Variants in PLXNA4 observed in about 807,000 individuals in gnomAD.
The protein encoded by PLXNA4 is plexin A4.
Under a neutral mutation model 191.8 loss-of-function variants are expected in PLXNA4, and 44 were observed. The observed-to-expected ratio is 0.23, with a 90% CI of 0.18 to 0.29. PLXNA4 has a LOEUF of 0.29. Ranked by LOEUF, PLXNA4 falls within the 10% of genes least tolerant of loss-of-function variation. The pLI is 1.00. For synonymous variants in PLXNA4, 1,082 were observed against 1,009.5 expected, an observed-to-expected ratio of 1.07 and a Z score of -1.36; for missense variants, 1,800 against 2,488.8, an observed-to-expected ratio of 0.72 and a Z score of 5.89.
At chr7:132,641,829 A>C in intron 2 of PLXNA4, among the ~76,000 whole-genome samples, 1 of 152,180 alleles carries the variant, frequency 6.6e-6, no homozygotes, top group Non-Finnish European at 1.5e-5. Context: ...GGACGACAAC[A>C]TAAGTACCCA....
chr7:132,207,171 A>G lies in PLXNA4; in HGVS notation c.2299-3752T>C, dbSNP rs144327353. 1.4e-3 allele frequency among the ~76,000 whole-genome samples: 218 copies of G among 152,322 alleles called. 8 individuals carry two copies. The East Asian group carries it at 0.034, about 24-fold the overall frequency. On this transcript the variant is annotated intron_variant, in intron 10 of 31. Coordinates refer to ENST00000321063, the MANE Select transcript of PLXNA4 (RefSeq NM_020911.2). ...AGAAGCTGGTATGTACACTGTGTCC[A>G]TCTCTAGTCCAGAGGGCTCTGCTGA...
intron 2 of PLXNA4, among the ~76,000 whole-genome samples, chr7:132,607,917 C>T (rs1331203939): frequency 1.3e-5 from 2 of 150,340 alleles, no homozygotes; most frequent in African/African-American, 2.5e-5. Flanking sequence ...TTATCACTAT[C>T]ACCATCACCA....
chr7:132,404,541 C>T (rs1335788146), intron 3 of PLXNA4, among the ~76,000 whole-genome samples: 1 of 152,112 alleles, frequency 6.6e-6, no homozygotes, highest in Non-Finnish European at 1.5e-5. Flanking sequence ...TCACAGTGTC[C>T]CTGTTACATG....
At chr7:132,563,088 CTCT>C (rs1268038037) in intron 1 of PLXNA4, among the ~76,000 whole-genome samples, 1 of 66,010 alleles carries the variant, frequency 1.5e-5, no homozygotes, top group Admixed American at 1.4e-4. Flanking sequence ...TCTCCTCCTC[CTCT>C]TCTTCCTCCT....
chr7:132,229,147 AT>A (rs1282001569), intron 5 of PLXNA4, among the ~76,000 whole-genome samples: 12 of 152,196 alleles, frequency 7.9e-5, no homozygotes, highest in African/African-American at 2.9e-4. Flanking sequence ...GAATCCCCTC[AT>A]GTAGGCAGGT....
chr7:132,631,323 A>G (rs1019129418), intron 2 of PLXNA4, among the ~76,000 whole-genome samples: 2 of 152,238 alleles, frequency 1.3e-5, no homozygotes, highest in African/African-American at 4.8e-5. Context: ...TAAGAGGCAC[A>G]GCCCTTATTC....
chr7:132,558,954 G>A (rs942054173), intron 1 of PLXNA4, among the ~76,000 whole-genome samples: 1 of 152,118 alleles, frequency 6.6e-6, no homozygotes, highest in African/African-American at 2.4e-5. Context: ...AATCCCAAAG[G>A]CCTTACCCGC....
At chr7:132,171,741 C>T (rs1303405289) in intron 21 of PLXNA4, among the ~76,000 whole-genome samples, 2 of 152,158 alleles carry the variant, frequency 1.3e-5, no homozygotes, top group African/African-American at 4.8e-5. Context: ...TCCTATTCAG[C>T]AGCATGGGTC....
At position 132,529,387 on chromosome 7, in the gene PLXNA4, G is replaced by C. The variant is rs76633353; in HGVS notation, c.-86-20608C>G. On this transcript the variant is annotated intron_variant, in intron 1 of 31. Transcript: ENST00000321063. ...TACCCACCTCGTGGCATTTTGGAAA[G>C]AATAAAATTAAATCAATATCAAAAA... 7.1e-3 allele frequency among the ~76,000 whole-genome samples: 1,088 copies of C among 152,254 alleles called. 11 individuals are homozygous for C. Among genetic ancestry groups the C allele is most frequent in the African/African-American group, 0.024 (996 of 41,536 alleles).
At chr7:132,485,053 G>GAAAAAA in intron 3 of PLXNA4, 1 of 1,591,154 alleles carries the variant, frequency 6.3e-7, no homozygotes, top group Admixed American at 1.8e-5. Flanking sequence ...ACAGGCTTGA[G>GAAAAAA]AAAAAAAAAT....
At chr7:132,250,473 AT>A (rs1799209628) in intron 4 of PLXNA4, among the ~76,000 whole-genome samples, 4 of 152,172 alleles carry the variant, frequency 2.6e-5, no homozygotes, top group Admixed American at 2.6e-4. Context: ...AAAACCTATC[AT>A]TTCTGGATTA....
chr7:132,576,512 CGT>C, upstream of PLXNA4: 1 of 985,654 alleles, frequency 1.0e-6, no homozygotes, highest in Non-Finnish European at 1.2e-6. This position sits in a 1 kb window ranked among gnomAD's most constrained non-coding sequence, Gnocchi z 5.8. Context: ...CTCCTCTGAA[CGT>C]GTGCGTGTGC....
chr7:132,186,373 G>C (rs147479633), intron 15 of PLXNA4, among the ~76,000 whole-genome samples: 11 of 152,164 alleles, frequency 7.2e-5, no homozygotes, highest in African/African-American at 2.7e-4. Flanking sequence ...TCTGACCCTC[G>C]TGAATGGGCT....
At chr7:132,162,229 G>A (rs1400220833) in intron 24 of PLXNA4, among the ~76,000 whole-genome samples, 5 of 152,236 alleles carry the variant, frequency 3.3e-5, no homozygotes, top group Non-Finnish European at 7.3e-5. Context: ...CCCTGCACAT[G>A]TGCAAATACT....
At chr7:132,316,175 A>G (rs1211019033) in intron 3 of PLXNA4, among the ~76,000 whole-genome samples, 1 of 152,230 alleles carries the variant, frequency 6.6e-6, no homozygotes, top group Non-Finnish European at 1.5e-5. Context: ...TCAAATGACT[A>G]AACTAAAAAA....
chr7:132,271,816 G>T (rs1800086833), intron 4 of PLXNA4, among the ~76,000 whole-genome samples: 1 of 152,154 alleles, frequency 6.6e-6, no homozygotes, highest in Non-Finnish European at 1.5e-5. Flanking sequence ...TGGGGAAAGA[G>T]TTAGAGGTGA....
At chr7:132,329,037 TCTCGGACTCC>T (rs1802485563) in intron 3 of PLXNA4, among the ~76,000 whole-genome samples, 1 of 152,156 alleles carries the variant, frequency 6.6e-6, no homozygotes, top group Non-Finnish European at 1.5e-5. Context: ...AAATCCAGAT[TCTCGGACTCC>T]CTCCAGACCT....
At chr7:132,451,470 C>T (rs1796122597) in intron 3 of PLXNA4, among the ~76,000 whole-genome samples, 2 of 152,056 alleles carry the variant, frequency 1.3e-5, no homozygotes, top group Admixed American at 1.3e-4. Flanking sequence ...GGCAGATGGG[C>T]CTGGTACTCG....
At chr7:132,237,544 G>T (rs1462936620) in intron 5 of PLXNA4, among the ~76,000 whole-genome samples, 1 of 152,116 alleles carries the variant, frequency 6.6e-6, no homozygotes, top group East Asian at 1.9e-4. Flanking sequence ...GCCTATGGGG[G>T]CTCTTGAGCT....
Sources: allele counts gnomAD v4.1 joint callset (sites outside exome capture counted in the v4.1 genomes callset), GRCh38; gene constraint gnomAD v4.1.1; non-coding constraint Gnocchi (gnomAD v3.1); transcripts MANE v1.5; gene names NCBI Gene and HGNC (gene_info 2026-07-23, HGNC 2026-07-21).